PLXDC2: variants seen among roughly 807,000 people sequenced by gnomAD.
PLXDC2 encodes plexin domain-containing protein 2.
A neutral mutation model predicts 68.9 loss-of-function variants in PLXDC2; 40 were observed. That is an observed-to-expected ratio of 0.58 (90% CI 0.45 to 0.76). PLXDC2 has a LOEUF of 0.76. Ranked by LOEUF, PLXDC2 falls within the 30% of genes least tolerant of loss-of-function variation. The pLI, the probability that PLXDC2 is intolerant of heterozygous loss-of-function variation, is 0.00. For synonymous variants in PLXDC2, 243 were observed against 234.2 expected, an observed-to-expected ratio of 1.04 and a Z score of -0.34; for missense variants, 644 against 661.9, an observed-to-expected ratio of 0.97 and a Z score of 0.30.
chr10:20,004,144 A>G (rs1834986929), intron 2 of PLXDC2, among the ~76,000 whole-genome samples: 1 of 152,224 alleles, frequency 6.6e-6, no homozygotes, highest in Non-Finnish European at 1.5e-5. Flanking sequence ...TCAAGGCATC[A>G]TTTTGTTCCC....
intron 4 of PLXDC2, among the ~76,000 whole-genome samples, chr10:20,091,266 A>G (rs1317843888): frequency 6.6e-6 from 1 of 152,110 alleles, no homozygotes; most frequent in Non-Finnish European, 1.5e-5. Context: ...CCCCCTGTGA[A>G]CTGTATTTTT....
intron 1 of PLXDC2, among the ~76,000 whole-genome samples, chr10:19,963,592 A>T (rs113659605): frequency 1.1e-3 from 175 of 152,290 alleles, no homozygotes; most frequent in African/African-American, 4.0e-3. Context: ...CAAGGCCAAA[A>T]AACCAAACAC....
Position 20,070,386 on chromosome 10 carries a change from C to A in PLXDC2, c.541+2147C>A, listed in dbSNP as rs188162007. Among the ~76,000 whole-genome samples the A allele has an allele frequency of 1.2e-3, 183 of 152,128 alleles. 2 individuals carry two copies. Among genetic ancestry groups the A allele is most frequent in the African/African-American group, 4.1e-3 (172 of 41,500 alleles). On this transcript the variant is annotated intron_variant, in intron 4 of 13. Coordinates refer to ENST00000377252, the MANE Select transcript of PLXDC2 (RefSeq NM_032812.9). ...AGGAAAAGGAATCATACTATTGGTA[C>A]CAAATACAGAGTCAAGAAACACTGG...
intron 3 of PLXDC2, among the ~76,000 whole-genome samples, chr10:20,052,219 C>T (rs945683695): frequency 6.6e-6 from 1 of 151,736 alleles, no homozygotes; most frequent in Non-Finnish European, 1.5e-5. Flanking sequence ...TTTTAAATTC[C>T]CTACATTCTT....
intron 1 of PLXDC2, among the ~76,000 whole-genome samples, chr10:19,985,745 T>C (rs1211585816): frequency 6.6e-6 from 1 of 152,184 alleles, no homozygotes; most frequent in African/African-American, 2.4e-5. Flanking sequence ...ACTCAAGCAA[T>C]CTATTTTGAA....
intron 1 of PLXDC2, among the ~76,000 whole-genome samples, chr10:19,837,658 A>T (rs2131315022): frequency 6.6e-6 from 1 of 152,318 alleles, no homozygotes; most frequent in Non-Finnish European, 1.5e-5. Flanking sequence ...TGCAAAATTA[A>T]TGGATTTTGC....
chr10:20,161,177 C>T (rs1357738853), intron 6 of PLXDC2, among the ~76,000 whole-genome samples: 1 of 152,132 alleles, frequency 6.6e-6, no homozygotes, highest in Non-Finnish European at 1.5e-5. Flanking sequence ...TCTTATTTCT[C>T]ACAAGTTGCC....
chr10:19,893,571 C>G (rs73601628), intron 1 of PLXDC2, among the ~76,000 whole-genome samples: 9,657 of 152,234 alleles, frequency 0.063, 669 homozygotes, highest in African/African-American at 0.17. Context: ...TGATTTAAAT[C>G]AGGTGGAAGC....
chr10:19,882,666 T>C (rs1000666170), intron 1 of PLXDC2, among the ~76,000 whole-genome samples: 7 of 152,168 alleles, frequency 4.6e-5, no homozygotes, highest in African/African-American at 1.7e-4. Flanking sequence ...AGTTCTGAAC[T>C]TGGATTCAAA....
chr10:19,883,557 A>T (rs1837775604), intron 1 of PLXDC2, among the ~76,000 whole-genome samples: 2 of 152,132 alleles, frequency 1.3e-5, no homozygotes, highest in East Asian at 3.9e-4. Flanking sequence ...GGTTGGTCAC[A>T]AGGAACACAC....
rs553556318 is a variant in PLXDC2, at chr10:19,870,185, G to A, written c.112+52994G>A. Among the ~76,000 whole-genome samples, 8 of 152,188 alleles carry A rather than the reference G, an allele frequency of 5.3e-5. No individual in the cohort carries two copies. In the South Asian group the frequency reaches 6.2e-4, roughly 12 times the overall value. ...GATTGAAATGAAGAGATACTGCAGC[G>A]TAAAACCCAAATTAAGTAAAGATAG... On this transcript the variant is annotated intron_variant, in intron 1 of 13. Transcript: ENST00000377252.
At chr10:19,853,678 A>C (rs573081011) in intron 1 of PLXDC2, among the ~76,000 whole-genome samples, 1 of 152,058 alleles carries the variant, frequency 6.6e-6, no homozygotes, top group African/African-American at 2.4e-5. Flanking sequence ...ATTTCTCGAA[A>C]ACTAGAGTGA....
At chr10:19,957,892 A>G (rs1440803745) in intron 1 of PLXDC2, among the ~76,000 whole-genome samples, 1 of 152,142 alleles carries the variant, frequency 6.6e-6, no homozygotes, top group East Asian at 1.9e-4. Flanking sequence ...TTTATTCTTT[A>G]GAGTTTCAGT....
At chr10:20,102,708 T>A (rs1833439282) in intron 4 of PLXDC2, among the ~76,000 whole-genome samples, 1 of 152,212 alleles carries the variant, frequency 6.6e-6, no homozygotes, top group African/African-American at 2.4e-5. Flanking sequence ...GAATCCTGTT[T>A]CAGGCATGGT....
rs61843718 is a variant in PLXDC2, at chr10:19,941,725, C to T, written c.113-60050C>T. Among the ~76,000 whole-genome samples, 111 of 152,310 alleles carry T rather than the reference C, an allele frequency of 7.3e-4. 1 individual carries two copies. The highest frequency in any genetic ancestry group is 1.2e-3 in the Admixed American group (18 of 15,298). On this transcript the variant is annotated intron_variant, in intron 1 of 13. Transcript: ENST00000377252. ...AAAGTACAAAGAACTACCCTTCACT[C>T]ATGGAAATGAACATGGCCATAGGTT...
intron 1 of PLXDC2, among the ~76,000 whole-genome samples, chr10:19,894,600 GTATTTT>G (rs894155995): frequency 1.3e-5 from 2 of 152,122 alleles, no homozygotes; most frequent in Admixed American, 6.5e-5. Flanking sequence ...ACTGGCATAA[GTATTTT>G]TATTTTTATC....
intron 12 of PLXDC2, among the ~76,000 whole-genome samples, chr10:20,241,557 A>C (rs1053174071): frequency 1.3e-5 from 2 of 152,208 alleles, no homozygotes; most frequent in Non-Finnish European, 2.9e-5. Context: ...AGGCTGAGGC[A>C]GGAGGAATGC....
chr10:19,877,071 C>A (rs561777930), intron 1 of PLXDC2, among the ~76,000 whole-genome samples: 1 of 151,950 alleles, frequency 6.6e-6, no homozygotes, highest in African/African-American at 2.4e-5. Context: ...TGCATTTCAC[C>A]GAATATAAAT....
At chr10:19,967,956 C>G (rs991515751) in intron 1 of PLXDC2, among the ~76,000 whole-genome samples, 1 of 152,108 alleles carries the variant, frequency 6.6e-6, no homozygotes, top group Non-Finnish European at 1.5e-5. Context: ...GAAAAGGGAA[C>G]AAATATTATG....
Sources: allele counts gnomAD v4.1 joint callset (sites outside exome capture counted in the v4.1 genomes callset), GRCh38; gene constraint gnomAD v4.1.1; transcripts MANE v1.5; gene names NCBI Gene and HGNC (gene_info 2026-07-23, HGNC 2026-07-21).